Variants in WWOX observed in about 807,000 individuals in gnomAD.
The protein encoded by WWOX is WW domain containing oxidoreductase, also known as WW domain-containing oxidoreductase.
Under a neutral mutation model 46.2 loss-of-function variants are expected in WWOX, and 69 were observed. The observed-to-expected ratio is 1.49, with a 90% CI of 1.23 to 1.82. The LOEUF is 1.82. Ranked by LOEUF, WWOX falls within the 40% of genes most tolerant of loss-of-function variation. The probability of loss-of-function intolerance (pLI) is 0.00; values close to 1 mark genes in which losing one functional copy is unlikely to be tolerated. For synonymous variants in WWOX, 359 were observed against 202.6 expected (o/e 1.77, Z -6.56); for missense variants, 919 against 542.6 (o/e 1.69, Z -6.89).
intron 8 of WWOX, among the ~76,000 whole-genome samples, chr16:79,031,548 T>C (rs2047754721): frequency 6.6e-6 from 1 of 152,100 alleles, no homozygotes; most frequent in African/African-American, 2.4e-5. Flanking sequence ...CACCCCCCTG[T>C]GGATGTGTAT....
At chr16:78,802,915 G>GGAAAAAAA (rs2050927892) in intron 8 of WWOX, among the ~76,000 whole-genome samples, 1 of 10,442 alleles carries the variant, frequency 9.6e-5, no homozygotes, top group Non-Finnish European at 1.9e-4. Flanking sequence ...GACTTCATCT[G>GGAAAAAAA]AAAAAAAAAA....
chr16:78,620,952 G>A (rs774884021), intron 8 of WWOX, among the ~76,000 whole-genome samples: 1 of 152,130 alleles, frequency 6.6e-6, no homozygotes, highest in Non-Finnish European at 1.5e-5. Context: ...GGAGATTAAA[G>A]CATCTCACTG....
At chr16:78,696,315 T>A (rs2048098419) in intron 8 of WWOX, among the ~76,000 whole-genome samples, 1 of 152,172 alleles carries the variant, frequency 6.6e-6, no homozygotes, top group South Asian at 2.1e-4. Flanking sequence ...GCAGCTGAGA[T>A]TTAGGCTGCA....
intron 8 of WWOX, among the ~76,000 whole-genome samples, chr16:78,636,539 C>G (rs947268157): frequency 3.3e-5 from 5 of 152,100 alleles, no homozygotes; most frequent in Non-Finnish European, 5.9e-5. Context: ...AGTAGCTGCC[C>G]TCCCCATCCG....
intron 8 of WWOX, among the ~76,000 whole-genome samples, chr16:79,056,242 T>A (rs1464610933): frequency 6.6e-6 from 1 of 151,922 alleles, no homozygotes; most frequent in East Asian, 1.9e-4. Flanking sequence ...AAATTCAGCA[T>A]TTCTTTTCAT....
chr16:78,596,796 C>G (rs79052353), intron 8 of WWOX, among the ~76,000 whole-genome samples: 1 of 116,372 alleles, frequency 8.6e-6, no homozygotes, highest in East Asian at 2.4e-4. Flanking sequence ...TGATATAAAT[C>G]AGCACGGTTT....
chr16:78,526,238 G>A (rs974700158), intron 8 of WWOX: 1 of 152,312 alleles, frequency 6.6e-6, no homozygotes, highest in African/African-American at 2.4e-5. Flanking sequence ...CAGGACGCCG[G>A]AGGCCACTCC....
chr16:78,702,037 ATATAT>A (rs2048230965), intron 8 of WWOX, among the ~76,000 whole-genome samples: 1 of 127,380 alleles, frequency 7.9e-6, no homozygotes, highest in African/African-American at 3.5e-5. Flanking sequence ...ATATATATAT[ATATAT>A]ATAAAATAAT....
intron 4 of WWOX, among the ~76,000 whole-genome samples, chr16:78,142,737 C>T (rs998693978): frequency 2.0e-5 from 3 of 152,148 alleles, no homozygotes; most frequent in Admixed American, 6.5e-5. Flanking sequence ...TTTCTAATTT[C>T]TTATTTAGGC....
Position 78,438,360 on chromosome 16 carries a change from C to T in WWOX, c.1056+5608C>T, listed in dbSNP as rs537262233. Among the ~76,000 whole-genome samples, 4 of 152,240 alleles carry T rather than the reference C, an allele frequency of 2.6e-5. No individual in the cohort carries two copies. The East Asian group carries it at 7.7e-4, about 29-fold the overall frequency. ...TTGCTTTGTCCAATGCACGGTAATGCCCCTGGCATCCATATCTAGTTATGC... is the reference window on the plus strand; with the variant it reads ...TTGCTTTGTCCAATGCACGGTAATGTCCCTGGCATCCATATCTAGTTATGC... On this transcript the variant is annotated intron_variant, in intron 8 of 8. Coordinates refer to ENST00000566780, the MANE Select transcript of WWOX (RefSeq NM_016373.4).
intron 8 of WWOX, among the ~76,000 whole-genome samples, chr16:78,687,653 C>T (rs566654859): frequency 6.6e-6 from 1 of 152,316 alleles, no homozygotes; most frequent in East Asian, 1.9e-4. Context: ...CCTTGGTTAG[C>T]ACAGCCTCTA....
At chr16:78,654,030 A>T (rs1457643032) in intron 8 of WWOX, among the ~76,000 whole-genome samples, 2 of 152,204 alleles carry the variant, frequency 1.3e-5, no homozygotes, top group African/African-American at 4.8e-5. Flanking sequence ...TGGGAACCCC[A>T]ACTATTGCAG....
chr16:79,028,388 C>G (rs1321735446), intron 8 of WWOX, among the ~76,000 whole-genome samples: 1 of 151,894 alleles, frequency 6.6e-6, no homozygotes, highest in East Asian at 1.9e-4. Context: ...GACATTCTAC[C>G]TATGTTTTCA....
Position 78,509,666 on chromosome 16 carries a change from G to A in WWOX, c.1056+76914G>A, listed in dbSNP as rs113702680. Among the ~76,000 whole-genome samples the A allele has an allele frequency of 3.1e-3, 473 of 152,170 alleles. 1 individual carries two copies. Among genetic ancestry groups the A allele is most frequent in the African/African-American group, 0.011 (452 of 41,522 alleles). On this transcript the variant is annotated intron_variant, in intron 8 of 8. Coordinates refer to ENST00000566780, the MANE Select transcript of WWOX (RefSeq NM_016373.4). Reference sequence around the variant, plus strand: ...GCGATGGCAGGACTATTTACACCACGGAAACAGGCAAAAACTACTGATCAA... The same window carrying A: ...GCGATGGCAGGACTATTTACACCACAGAAACAGGCAAAAACTACTGATCAA...
At chr16:78,368,339 A>C (rs983624682) in intron 5 of WWOX, among the ~76,000 whole-genome samples, 22 of 152,298 alleles carry the variant, frequency 1.4e-4, no homozygotes, top group Middle Eastern at 6.8e-3. Flanking sequence ...TATGGCCCTT[A>C]GCCACAATTT....
chr16:78,721,060 G>A (rs760718281), intron 8 of WWOX, among the ~76,000 whole-genome samples: 6 of 152,024 alleles, frequency 3.9e-5, no homozygotes, highest in Non-Finnish European at 5.9e-5. Flanking sequence ...GATTGAGGTC[G>A]TTTATTGGTG....
chr16:78,994,425 T>C (rs1159468978), intron 8 of WWOX: 1 of 152,192 alleles, frequency 6.6e-6, no homozygotes, highest in African/African-American at 2.4e-5. Flanking sequence ...ACTTGCATTT[T>C]TATCGGTTCA....
rs1421022642 is a variant in WWOX, at chr16:78,812,178, C to G, written c.1056+379426C>G. On this transcript the variant is annotated intron_variant, in intron 8 of 8. Transcript: ENST00000566780. ...AATGCATAGGAACTAGGTGTCCTAA[C>G]TTGGCACTGTATCTGCCAATTTTTT... Among the ~76,000 whole-genome samples the G allele has an allele frequency of 2.0e-5, 3 of 151,922 alleles. No individual in the cohort carries two copies. The East Asian group carries it at 5.8e-4, about 30-fold the overall frequency.
At chr16:78,264,189 C>G (rs2099729444) in intron 5 of WWOX, among the ~76,000 whole-genome samples, 1 of 151,824 alleles carries the variant, frequency 6.6e-6, no homozygotes, top group South Asian at 2.1e-4. Context: ...CAGGGACCCA[C>G]TTGGGAGAAG....
Sources: gnomAD v4.1 joint callset for allele counts (sites outside exome capture counted in the v4.1 genomes callset) on GRCh38, gnomAD v4.1.1 for gene constraint, MANE v1.5 for transcripts, NCBI Gene and HGNC (gene_info 2026-07-23, HGNC 2026-07-21) for gene names.